The following PAFAH1B2 variants were observed in gnomAD, a reference collection of about 807,000 sequenced individuals.
The protein encoded by PAFAH1B2 is platelet-activating factor acetylhydrolase IB subunit alpha2.
In PAFAH1B2, 8 loss-of-function variants were observed where a neutral mutation model predicts 28.0. That is an observed-to-expected ratio of 0.29 (90% CI 0.17 to 0.52). PAFAH1B2 has a LOEUF of 0.52. Among genes scored for constraint, PAFAH1B2 ranks in the 20% least tolerant of loss-of-function variants. The pLI is 0.97. For synonymous variants in PAFAH1B2, 104 were observed against 103.2 expected, an observed-to-expected ratio of 1.01 and a Z score of -0.05; for missense variants, 190 against 282.6, an observed-to-expected ratio of 0.67 and a Z score of 2.35.
intron 3 of PAFAH1B2, among the ~76,000 whole-genome samples, chr11:117,160,377 C>G (rs1238656083): frequency 6.6e-6 from 1 of 152,174 alleles, no homozygotes; most frequent in Non-Finnish European, 1.5e-5. Flanking sequence ...ATGATTCTTA[C>G]TTATATTTTG....
In PAFAH1B2 at chr11:117,170,256, T is replaced by C. The variant is rs543292502; in HGVS notation, c.*2557T>C. The C allele has an allele frequency of 4.0e-5, 43 of 1,061,866 alleles. No homozygotes were observed. The East Asian group carries it at 1.9e-3, about 48-fold the overall frequency. The allele number at this position is 1,061,866 out of a possible 1,614,324, so 65.8% of individuals were successfully genotyped here. A position where few individuals can be genotyped will look rare whatever the true frequency, so the allele number is the denominator to read the frequency against. On this transcript the variant is annotated 3_prime_UTR_variant, in exon 6 of 6. Coordinates refer to ENST00000527958, the MANE Select transcript of PAFAH1B2 (RefSeq NM_002572.4). ...TCCAAGTGAAATGTCCTAGTTGTCA[T>C]TGTGATTAAGGGGCCAACTTTCCAG...
chr11:117,158,399 G>A (rs1047979696), intron 2 of PAFAH1B2, among the ~76,000 whole-genome samples: 5 of 151,856 alleles, frequency 3.3e-5, no homozygotes, highest in South Asian at 2.1e-4. Context: ...CACTCTGGGC[G>A]GAGATTACCA....
rs183032102 is a variant in PAFAH1B2, at chr11:117,155,669, G to T, written c.81+3141G>T. 1.7e-3 allele frequency among the ~76,000 whole-genome samples: 253 copies of T among 152,058 alleles called. 1 individual carries two copies. Among genetic ancestry groups the T allele is most frequent in the African/African-American group, 5.8e-3 (242 of 41,484 alleles). On this transcript the variant is annotated intron_variant, in intron 2 of 5. Transcript: ENST00000527958. Reference sequence around the variant, plus strand: ...AAAAATACTGATTTATTTTGACTAAGAATTTCCAGTGTAGGAAAAATTATA... The same window carrying T: ...AAAAATACTGATTTATTTTGACTAATAATTTCCAGTGTAGGAAAAATTATA...
At chr11:117,167,037 TA>T (rs1270424595) in intron 5 of PAFAH1B2, among the ~76,000 whole-genome samples, 11 of 152,222 alleles carry the variant, frequency 7.2e-5, no homozygotes, top group Admixed American at 5.9e-4. Flanking sequence ...GACCAGTTGA[TA>T]AAGAGGAAGA....
chr11:117,156,879 A>G (rs1454728356), intron 2 of PAFAH1B2, among the ~76,000 whole-genome samples: 3 of 152,078 alleles, frequency 2.0e-5, no homozygotes, highest in African/African-American at 4.8e-5. Context: ...AAAGCCGGAT[A>G]TGGTGAAATG....
At chr11:117,157,569 A>C (rs2134190248) in intron 2 of PAFAH1B2, among the ~76,000 whole-genome samples, 1 of 152,344 alleles carries the variant, frequency 6.6e-6, no homozygotes, top group South Asian at 2.1e-4. Context: ...AGAAATACTT[A>C]AATAGTAACT....
At chr11:117,146,171 G>C (rs1956003202) in intron 1 of PAFAH1B2, among the ~76,000 whole-genome samples, 1 of 150,680 alleles carries the variant, frequency 6.6e-6, no homozygotes, top group Non-Finnish European at 1.5e-5. Flanking sequence ...GCCCAGGCTG[G>C]AGTGCAGTGG....
rs1482759074 is a variant in PAFAH1B2, at chr11:117,149,270, A to G, written c.-7-3171A>G. On this transcript the variant is annotated intron_variant, in intron 1 of 5. Coordinates refer to ENST00000527958, the MANE Select transcript of PAFAH1B2 (RefSeq NM_002572.4). ...TAATTTCTTCAATTTTTTTGTAGAG[A>G]CGGGGTCTCATTATGTTGCCCAGGA... Among the ~76,000 whole-genome samples, 4 of 151,038 alleles carry G rather than the reference A, an allele frequency of 2.6e-5. No homozygotes were observed. The South Asian group carries it at 6.3e-4, about 24-fold the overall frequency.
intron 2 of PAFAH1B2, among the ~76,000 whole-genome samples, chr11:117,153,115 G>C (rs1228689958): frequency 6.6e-6 from 1 of 152,190 alleles, no homozygotes; most frequent in African/African-American, 2.4e-5. Flanking sequence ...ACCCGTGACA[G>C]GTTGTACAAA....
Position 117,168,143 on chromosome 11 carries a change from TTTG to T in PAFAH1B2, c.*447_*449del. 1 of 1,052,330 alleles carries T rather than the reference TTTG, an allele frequency of 9.5e-7. No individual in the cohort carries two copies. Among genetic ancestry groups the T allele is most frequent in the South Asian group, 4.6e-5 (1 of 21,786 alleles). 65.2% of individuals were successfully genotyped at this position (1,052,330 alleles called of 1,614,324 possible). On this transcript the variant is annotated 3_prime_UTR_variant, in exon 6 of 6. Coordinates refer to ENST00000527958, the MANE Select transcript of PAFAH1B2 (RefSeq NM_002572.4). ...TTTTTTAAGGTTCATAATTTAGCCT[TTTG>T]TTTTTATGTTGCTTAGATTCTTATG...
At chr11:117,172,890 G>C (rs1032102100), downstream of PAFAH1B2, among the ~76,000 whole-genome samples, 1 of 152,162 alleles carries the variant, frequency 6.6e-6, no homozygotes, top group African/African-American at 2.4e-5. Flanking sequence ...TTTTAGTAGA[G>C]ACAGGGTTCG....
chr11:117,163,883 C>T lies in PAFAH1B2; in HGVS notation c.402C>T (p.Ile134=). ...LINTRQPQAK[I]IVLGLLPRGE... ...ACACAAGGCAGCCACAGGCCAAAAT[C>T]ATTGTATTGGTATGTAGTCGTTGGT... Residue 134 remains isoleucine, a synonymous_variant, in exon 5 of 6, where the codon ATC becomes ATT. Transcript: ENST00000527958. 1 of 1,613,840 alleles carries T rather than the reference C, an allele frequency of 6.2e-7. No homozygotes were observed. Among genetic ancestry groups the T allele is most frequent in the South Asian group, 1.1e-5 (1 of 91,060 alleles).
downstream of PAFAH1B2, among the ~76,000 whole-genome samples, chr11:117,177,354 A>G (rs564439070): frequency 3.6e-4 from 55 of 152,330 alleles, no homozygotes; most frequent in Non-Finnish European, 6.0e-4. Context: ...TATTTTTAGA[A>G]TTAAAGGAAA....
chr11:117,174,205 T>G (rs554842231), downstream of PAFAH1B2, among the ~76,000 whole-genome samples: 6 of 147,456 alleles, frequency 4.1e-5, no homozygotes, highest in South Asian at 4.4e-4. Flanking sequence ...TGTGTGTGTG[T>G]GGCAGTTTCA....
chr11:117,165,169 G>A (rs181037513), intron 5 of PAFAH1B2, among the ~76,000 whole-genome samples: 1 of 151,534 alleles, frequency 6.6e-6, no homozygotes, highest in East Asian at 2.0e-4. Flanking sequence ...GTTAGCCATG[G>A]TCTCGATCTC....
downstream of PAFAH1B2, chr11:117,175,512 A>G: frequency 9.1e-7 from 1 of 1,096,600 alleles, no homozygotes; most frequent in Non-Finnish European, 1.1e-6. Context: ...GACCTTGCAA[A>G]AGGGAAGGAT....
chr11:117,172,294 T>C (rs947598698), downstream of PAFAH1B2, among the ~76,000 whole-genome samples: 4 of 144,582 alleles, frequency 2.8e-5, no homozygotes, highest in Non-Finnish European at 3.0e-5. Flanking sequence ...CATATAATAT[T>C]TGTGGCCTGA....
intron 3 of PAFAH1B2, among the ~76,000 whole-genome samples, chr11:117,160,462 G>T (rs1363144649): frequency 2.0e-5 from 3 of 152,058 alleles, no homozygotes; most frequent in Admixed American, 2.0e-4. Context: ...TTCTTCCATG[G>T]GAAATTTATT....
exon 6 of PAFAH1B2, chr11:117,176,067 C>T (rs372666944): frequency 2.6e-6 from 2 of 778,308 alleles, no homozygotes; most frequent in Non-Finnish European, 4.3e-6. Context: ...TCATATTCGC[C>T]TAGATGTGCT....
Sources: allele counts gnomAD v4.1 joint callset (sites outside exome capture counted in the v4.1 genomes callset), GRCh38; gene constraint gnomAD v4.1.1; transcripts MANE v1.5; gene names NCBI Gene and HGNC (gene_info 2026-07-23, HGNC 2026-07-21).